The following ACOXL variants were observed in gnomAD, a reference collection of about 807,000 sequenced individuals.
ACOXL encodes the protein acyl-coenzyme A oxidase-like protein.
ACOXL carries 70 observed loss-of-function variants against 71.9 expected under a neutral mutation model. The observed-to-expected ratio is 0.97, with a 90% CI of 0.80 to 1.19. The LOEUF (loss-of-function observed/expected upper bound fraction) is 1.19. Ranked by LOEUF, ACOXL falls within the 50% of genes most tolerant of loss-of-function variation. ACOXL has a pLI of 0.00. For synonymous variants in ACOXL, 253 were observed against 281.6 expected (o/e 0.90, Z 1.02); for missense variants, 703 against 736.3 (o/e 0.95, Z 0.52).
chr2:110,987,105 C>T lies in ACOXL; in HGVS notation c.1060-3C>T. The stretch of plus-strand genomic sequence containing the variant: ...ACTGATGAGCGATAAACTCTTTGCA[C>T]AGGTTGTGGGGCGGGAACTGCTGGC... On this transcript the variant is annotated splice_polypyrimidine_tract_variant and splice_region_variant and intron_variant, in intron 12 of 17. Transcript: ENST00000439055. The T allele has an allele frequency of 1.3e-6, 2 of 1,562,712 alleles. No individual in the cohort carries two copies. Among genetic ancestry groups the T allele is most frequent in the Non-Finnish European group, 1.7e-6 (2 of 1,151,042 alleles).
chr2:110,795,812 C>T (rs1372808717), intron 5 of ACOXL: 1 of 152,058 alleles, frequency 6.6e-6, no homozygotes, highest in African/African-American at 2.4e-5. Context: ...GGGAAAACAC[C>T]CACAGCTCTT....
chr2:110,842,133 GAA>G (rs2105761235), intron 10 of ACOXL, among the ~76,000 whole-genome samples: 1 of 152,266 alleles, frequency 6.6e-6, no homozygotes, highest in Admixed American at 6.5e-5. Context: ...GATTTCGAAA[GAA>G]GTTTGCCTCC....
chr2:110,862,017 C>T (rs1694014183), intron 10 of ACOXL, among the ~76,000 whole-genome samples: 2 of 152,218 alleles, frequency 1.3e-5, no homozygotes, highest in African/African-American at 2.4e-5. Context: ...TCTCTCAGAA[C>T]CTTTTTTCCT....
intron 11 of ACOXL, 134 bp from the exon 12 acceptor site, chr2:110,933,355 A>G (rs1459844824): frequency 9.0e-7 from 1 of 1,114,998 alleles, no homozygotes; most frequent in East Asian, 2.5e-5. Context: ...GTGACTATCT[A>G]CAGTTTAAAA....
chr2:110,859,706 A>T (rs1693710407), intron 10 of ACOXL, among the ~76,000 whole-genome samples: 1 of 152,218 alleles, frequency 6.6e-6, no homozygotes, highest in African/African-American at 2.4e-5. Context: ...GTTGGATGGC[A>T]GACATAAGGT....
intron 12 of ACOXL, among the ~76,000 whole-genome samples, chr2:110,943,492 GA>G (rs1257970196): frequency 6.6e-6 from 1 of 152,084 alleles, no homozygotes; most frequent in African/African-American, 2.4e-5. Flanking sequence ...AGGAGAGGGG[GA>G]AATCACCCCT....
intron 10 of ACOXL, among the ~76,000 whole-genome samples, chr2:110,901,204 G>A (rs1315678532): frequency 6.6e-6 from 1 of 152,172 alleles, no homozygotes; most frequent in Non-Finnish European, 1.5e-5. Flanking sequence ...GATCTGGCAT[G>A]AACTTTGAGA....
chr2:110,920,172 G>A (rs1350718751), intron 11 of ACOXL, among the ~76,000 whole-genome samples: 1 of 152,170 alleles, frequency 6.6e-6, no homozygotes, highest in Non-Finnish European at 1.5e-5. Flanking sequence ...GTATCATTTT[G>A]TGTTTTCATC....
At position 110,933,575 on chromosome 2, in the gene ACOXL, T is replaced by A; in HGVS notation, c.992T>A (p.Leu331Gln). 1 of 1,614,038 alleles carries A rather than the reference T, an allele frequency of 6.2e-7. No homozygotes were observed. Among genetic ancestry groups the A allele is most frequent in the South Asian group, 1.1e-5 (1 of 91,074 alleles). Residue 331 changes from leucine (L) to glutamine (Q), a missense_variant, in exon 12 of 18, where the codon CTG becomes CAG. Leu to Gln is a moderately radical substitution (Grantham distance 113). Coordinates refer to ENST00000439055, the MANE Select transcript of ACOXL (RefSeq NM_001142807.4). ...SRSLQALVAGLKAYSTWENIR... is the reference protein window; with the variant it reads ...SRSLQALVAGQKAYSTWENIR... ...TCGCTGCAGGCTCTGGTGGCGGGGCTGAAGGCCTACAGCACCTGGGAGAAC... is the reference window on the plus strand; with the variant it reads ...TCGCTGCAGGCTCTGGTGGCGGGGCAGAAGGCCTACAGCACCTGGGAGAAC...
chr2:111,108,188 G>T (rs533390068), intron 17 of ACOXL, among the ~76,000 whole-genome samples: 28 of 152,088 alleles, frequency 1.8e-4, no homozygotes, highest in African/African-American at 6.0e-4. Context: ...TATATTTTAG[G>T]TGCTGAAAGT....
intron 14 of ACOXL, among the ~76,000 whole-genome samples, chr2:111,019,436 G>A (rs1407541548): frequency 6.6e-6 from 1 of 152,226 alleles, no homozygotes; most frequent in Non-Finnish European, 1.5e-5. Context: ...GAAAGGCTCG[G>A]TAATGAAAAC....
At chr2:110,736,297 T>C (rs1676836951) in intron 1 of ACOXL, among the ~76,000 whole-genome samples, 1 of 152,210 alleles carries the variant, frequency 6.6e-6, no homozygotes, top group African/African-American at 2.4e-5. Context: ...TGCGTTCACA[T>C]TGTTGTGCAA....
chr2:110,911,892 A>G (rs1025414518), intron 11 of ACOXL, among the ~76,000 whole-genome samples: 1 of 152,096 alleles, frequency 6.6e-6, no homozygotes, highest in Non-Finnish European at 1.5e-5. Context: ...AATAAAAGTC[A>G]TGTAAACTGG....
At chr2:110,798,889 C>G (rs968713013) in intron 6 of ACOXL, 125 bp from the exon 7 acceptor site, 6 of 1,187,062 alleles carry the variant, frequency 5.1e-6, no homozygotes, top group African/African-American at 4.5e-5. Flanking sequence ...ATTATATGCT[C>G]TCATGCTTGG....
chr2:111,117,603 TTG>T lies in ACOXL; in HGVS notation c.1543-9_1543-8del, dbSNP rs1574814197. The stretch of plus-strand genomic sequence containing the variant: ...CCAACATCTGACCTGTCCCATTGTG[TTG>T]TGTTTTGCAGTTGCTGGATTTGTGC... On this transcript the variant is annotated splice_polypyrimidine_tract_variant and intron_variant, in intron 17 of 17. Coordinates refer to ENST00000439055, the MANE Select transcript of ACOXL (RefSeq NM_001142807.4). 6.4e-7 allele frequency: 1 copy of T among 1,551,662 alleles called. No homozygotes were observed. The highest frequency in any genetic ancestry group is 8.7e-7 in the Non-Finnish European group (1 of 1,146,952).
chr2:111,108,822 C>G (rs2069741989), intron 17 of ACOXL, among the ~76,000 whole-genome samples: 1 of 152,192 alleles, frequency 6.6e-6, no homozygotes, highest in Non-Finnish European at 1.5e-5. Context: ...CACCCTGACC[C>G]CTGAGTTTCT....
chr2:111,027,085 C>T lies in ACOXL; in HGVS notation c.1282-4542C>T, dbSNP rs548335506. ...CTAATTTTTGTGTTTTTTGTAGAGA[C>T]GGGGTTTCACCATGTTGCCCAGGCT... On this transcript the variant is annotated intron_variant, in intron 14 of 17. Coordinates refer to ENST00000439055, the MANE Select transcript of ACOXL (RefSeq NM_001142807.4). 4.6e-5 allele frequency among the ~76,000 whole-genome samples: 7 copies of T among 151,958 alleles called. No homozygotes were observed. In the South Asian group the frequency reaches 6.2e-4, roughly 14 times the overall value.
chr2:110,989,550 C>T (rs577848815), intron 13 of ACOXL, among the ~76,000 whole-genome samples: 3 of 152,234 alleles, frequency 2.0e-5, no homozygotes, highest in African/African-American at 7.2e-5. Flanking sequence ...ACTTACATGA[C>T]ATACCTAGAG....
chr2:111,057,488 T>C (rs751583221), intron 16 of ACOXL, among the ~76,000 whole-genome samples: 2 of 152,156 alleles, frequency 1.3e-5, no homozygotes, highest in Non-Finnish European at 2.9e-5. Flanking sequence ...TGGGAGGGAA[T>C]GCAGCAGAAG....
Sources: allele counts gnomAD v4.1 joint callset (sites outside exome capture counted in the v4.1 genomes callset), GRCh38; gene constraint gnomAD v4.1.1; transcripts MANE v1.5; gene names NCBI Gene and HGNC (gene_info 2026-07-23, HGNC 2026-07-21).